Variants in SCARB2 observed in about 807,000 individuals in gnomAD.
SCARB2 encodes the protein scavenger receptor class B member 2.
Under a neutral mutation model 58.6 loss-of-function variants are expected in SCARB2, and 29 were observed. The observed-to-expected ratio is 0.49, with a 90% CI of 0.37 to 0.67. The LOEUF is 0.67. Ranked by LOEUF, SCARB2 falls within the 30% of genes least tolerant of loss-of-function variation. SCARB2 has a pLI of 0.00. For missense variants in SCARB2, 488 were observed against 578.5 expected (o/e 0.84, Z 1.60); for synonymous variants, 195 against 210.1 (o/e 0.93, Z 0.62).
At position 76,213,382 on chromosome 4, in the gene SCARB2, G is replaced by A. The variant is rs769911039; in HGVS notation, c.117+45C>T. ...GATGTAGCAGCAGGGATGGGAGGGT[G>A]AGCTGGACGACTCCACAACACACAC... On this transcript the variant is annotated intron_variant, in intron 1 of 11. Coordinates refer to ENST00000264896, the MANE Select transcript of SCARB2 (RefSeq NM_005506.4). The A allele has an allele frequency of 2.3e-6, 3 of 1,315,512 alleles. No individual in the cohort carries two copies. The East Asian group carries it at 7.1e-5, about 31-fold the overall frequency. The allele number at this position is 1,315,512 out of a possible 1,614,324, so 81.5% of individuals were successfully genotyped here.
At chr4:76,162,561 C>T (rs1273950152) in intron 11 of SCARB2, 1 of 154,716 alleles carries the variant, frequency 6.5e-6, no homozygotes, top group Non-Finnish European at 1.4e-5. Context: ...GTAACTACAC[C>T]CATGTTCCAA....
intron 11 of SCARB2, chr4:76,162,917 GTTATATA>G: frequency 3.5e-6 from 2 of 569,018 alleles, no homozygotes; most frequent in Non-Finnish European, 6.3e-6. Flanking sequence ...ATGTGTAACT[GTTATATA>G]TTCTTCCTTT....
chr4:76,197,011 C>G (rs941483888), intron 1 of SCARB2, among the ~76,000 whole-genome samples: 10 of 152,292 alleles, frequency 6.6e-5, no homozygotes, highest in African/African-American at 2.2e-4. Context: ...AACTGGGACA[C>G]AGACAAGCAC....
intron 1 of SCARB2, among the ~76,000 whole-genome samples, chr4:76,208,755 C>T (rs894250): frequency 6.6e-6 from 1 of 152,020 alleles, no homozygotes; most frequent in Non-Finnish European, 1.5e-5. Flanking sequence ...AAAGAATCCT[C>T]TCTTGCCAGA....
chr4:76,163,293 C>T lies in SCARB2; in HGVS notation c.1330G>A (p.Ala444Thr). Residue 444 changes from alanine to threonine, a missense_variant, in exon 11 of 12, where the codon GCG (alanine) becomes ACG (threonine). By Grantham distance (58) the Ala-to-Thr change is moderately conservative. Transcript: ENST00000264896. Reference sequence around the variant, plus strand: ...ACCAAACCAAAGAACACACCCAGCGCCATGATGATGTAGGGTATGTTGGTG... The same window carrying T: ...ACCAAACCAAAGAACACACCCAGCGTCATGATGATGTAGGGTATGTTGGTG... The part of the protein sequence containing the change: ...IITNIPYIIM[A>T]LGVFFGLVFT... The T allele has an allele frequency of 5.0e-6, 8 of 1,614,100 alleles. No individual in the cohort carries two copies. The highest frequency in any genetic ancestry group is 5.9e-6 in the Non-Finnish European group (7 of 1,180,012).
intron 1 of SCARB2, 47 bp downstream of exon 1, chr4:76,213,380 G>T (rs745991939): frequency 1.5e-6 from 2 of 1,291,502 alleles, no homozygotes; most frequent in Middle Eastern, 1.8e-4. Flanking sequence ...GGATGGGAGG[G>T]TGAGCTGGAC....
At chr4:76,185,427 G>A (rs547406998) in intron 2 of SCARB2, among the ~76,000 whole-genome samples, 160 of 152,266 alleles carry the variant, frequency 1.1e-3, no homozygotes, top group African/African-American at 3.6e-3. Flanking sequence ...AAAAGTGCCC[G>A]GCATGGTCCC....
intron 1 of SCARB2, among the ~76,000 whole-genome samples, chr4:76,210,491 C>T (rs1051883551): frequency 1.3e-5 from 2 of 152,178 alleles, no homozygotes; most frequent in African/African-American, 4.8e-5. Flanking sequence ...CCTTTCCAGG[C>T]CTAAGGGAGG....
In SCARB2 at chr4:76,232,154, T is replaced by G. The variant is rs149234364; in HGVS notation, c.-358+2149A>C. Among the ~76,000 whole-genome samples, 273 of 152,334 alleles carry G rather than the reference T, an allele frequency of 1.8e-3. 1 individual carries two copies. The highest frequency in any genetic ancestry group is 6.8e-3 in the Middle Eastern group (2 of 294). ...TACCTTGCTTAATTATTAAAGGCCATAAATAGTTCAAAATAAGTTTCCTTG... is the reference window on the plus strand; with the variant it reads ...TACCTTGCTTAATTATTAAAGGCCAGAAATAGTTCAAAATAAGTTTCCTTG... On this transcript the variant is annotated intron_variant, in intron 1 of 11. Coordinates refer to the SCARB2 transcript ENST00000638295.
chr4:76,206,158 T>C (rs1252035815), intron 1 of SCARB2, among the ~76,000 whole-genome samples: 1 of 152,176 alleles, frequency 6.6e-6, no homozygotes, highest in Non-Finnish European at 1.5e-5. Flanking sequence ...CCATAATCTA[T>C]GAGGCAGTGG....
intron 1 of SCARB2, among the ~76,000 whole-genome samples, chr4:76,231,010 C>G (rs576708884): frequency 4.6e-5 from 7 of 152,168 alleles, no homozygotes; most frequent in South Asian, 2.1e-4. Context: ...GGGCTTTGAC[C>G]CAAAGCTTGG....
chr4:76,197,798 G>A (rs540286757), intron 1 of SCARB2, among the ~76,000 whole-genome samples: 4 of 152,162 alleles, frequency 2.6e-5, no homozygotes, highest in East Asian at 3.9e-4. Context: ...ATTCAGGTCC[G>A]GATTAGGAGG....
At position 76,179,565 on chromosome 4, in the gene SCARB2, G is replaced by C. The variant is rs1732335510; in HGVS notation, c.564C>G (p.Ile188Met). Reference protein sequence around the residue: ...WGYKDEILSLIHVFRPDISPY... With the variant: ...WGYKDEILSLMHVFRPDISPY... ...GAGAGATATCGGGCCTGAAAACATG[G>C]ATAAGGGACAAGATTTCATCTTTGT... Residue 188 changes from isoleucine (I) to methionine (M), a missense_variant, in exon 4 of 12, where the codon ATC (isoleucine) becomes ATG (methionine). Ile to Met is a conservative substitution (Grantham distance 10). Coordinates refer to ENST00000264896, the MANE Select transcript of SCARB2 (RefSeq NM_005506.4). 6.2e-7 allele frequency: 1 copy of C among 1,614,192 alleles called. No homozygotes were observed. The highest frequency in any genetic ancestry group is 1.1e-5 in the South Asian group (1 of 91,088).
intron 2 of SCARB2, among the ~76,000 whole-genome samples, chr4:76,183,210 C>A (rs1649886112): frequency 6.6e-6 from 1 of 152,134 alleles, no homozygotes; most frequent in Admixed American, 6.5e-5. Flanking sequence ...CTTCTGGTCA[C>A]CAAGAAGTGT....
chr4:76,193,053 TCAGGGAC>T (rs2109958828), intron 2 of SCARB2: 1 of 152,318 alleles, frequency 6.6e-6, no homozygotes, highest in South Asian at 2.1e-4. Flanking sequence ...CTGAGTGGTT[TCAGGGAC>T]CAGGCCAGGG....
intron 2 of SCARB2, among the ~76,000 whole-genome samples, chr4:76,181,883 GCA>G (rs1344039174): frequency 1.3e-5 from 2 of 152,068 alleles, no homozygotes; most frequent in Non-Finnish European, 2.9e-5. Flanking sequence ...CTGATATACA[GCA>G]CAGTTTGGTT....
chr4:76,184,380 T>A (rs767454716), intron 2 of SCARB2, among the ~76,000 whole-genome samples: 1 of 152,230 alleles, frequency 6.6e-6, no homozygotes, highest in Non-Finnish European at 1.5e-5. Context: ...AGAATATATT[T>A]AAAAATTTGA....
chr4:76,228,102 T>C (rs1249913723), intron 1 of SCARB2, among the ~76,000 whole-genome samples: 1 of 148,632 alleles, frequency 6.7e-6, no homozygotes, highest in Non-Finnish European at 1.5e-5. Context: ...TTTTTTTTCA[T>C]TGTGTTGTTG....
chr4:76,196,153 T>C (rs1732708206), intron 1 of SCARB2, among the ~76,000 whole-genome samples: 1 of 152,036 alleles, frequency 6.6e-6, no homozygotes, highest in South Asian at 2.1e-4. Context: ...AGGTCAAGAG[T>C]TCGTGCTTGG....
Sources: allele counts gnomAD v4.1 joint callset (sites outside exome capture counted in the v4.1 genomes callset), GRCh38; gene constraint gnomAD v4.1.1; transcripts MANE v1.5; gene names NCBI Gene and HGNC (gene_info 2026-07-23, HGNC 2026-07-21).